NIPBL: variants seen among roughly 807,000 people sequenced by gnomAD.
NIPBL encodes the protein NIPBL cohesin loading factor, also known as nipped-B-like protein.
Under a neutral mutation model 321.8 loss-of-function variants are expected in NIPBL, and 19 were observed. That is an observed-to-expected ratio of 0.06 (90% CI 0.04 to 0.09). The LOEUF is 0.09. Among genes scored for constraint, NIPBL ranks in the 10% least tolerant of loss-of-function variants. The pLI is 1.00. For missense variants in NIPBL, 2,210 were observed against 3,327.0 expected, an observed-to-expected ratio of 0.66 and a Z score of 8.26; for synonymous variants, 1,106 against 1,114.1, an observed-to-expected ratio of 0.99 and a Z score of 0.14.
At chr5:36,944,338 T>C (rs561482860) in intron 1 of NIPBL, among the ~76,000 whole-genome samples, 2 of 152,282 alleles carry the variant, frequency 1.3e-5, no homozygotes, top group Admixed American at 1.3e-4. Flanking sequence ...CTTCCACGTA[T>C]ACCTTTTCTT....
At chr5:37,003,058 A>G (rs1000704956) in intron 15 of NIPBL, among the ~76,000 whole-genome samples, 2 of 151,876 alleles carry the variant, frequency 1.3e-5, no homozygotes, top group Admixed American at 1.3e-4. Context: ...AAATGCAGAA[A>G]TATATTAAAT....
intron 45 of NIPBL, among the ~76,000 whole-genome samples, chr5:37,062,068 C>T (rs928156822): frequency 1.3e-5 from 2 of 152,144 alleles, no homozygotes; most frequent in Admixed American, 6.5e-5. Flanking sequence ...TCTCAAACTC[C>T]TGACCTCAGG....
At chr5:36,961,433 C>A in intron 4 of NIPBL, 51 bp from the exon 5 acceptor site, 1 of 1,037,058 alleles carries the variant, frequency 9.6e-7, no homozygotes, top group Non-Finnish European at 1.5e-6. Flanking sequence ...ATTTAAAGGA[C>A]ACTTTACTGT....
intron 32 of NIPBL, among the ~76,000 whole-genome samples, chr5:37,030,902 G>A (rs1419077550): frequency 5.0e-5 from 7 of 140,064 alleles, no homozygotes; most frequent in Non-Finnish European, 1.5e-5. Flanking sequence ...CCACAGGCAT[G>A]CACCACCATG....
intron 38 of NIPBL, among the ~76,000 whole-genome samples, chr5:37,047,188 C>T (rs768300273): frequency 9.9e-5 from 15 of 152,072 alleles, no homozygotes; most frequent in Non-Finnish European, 1.5e-4. Context: ...ATTTTGGTAT[C>T]CCTGGGAGGT....
At chr5:36,963,526 G>A (rs1261271541) in intron 6 of NIPBL, among the ~76,000 whole-genome samples, 1 of 152,014 alleles carries the variant, frequency 6.6e-6, no homozygotes, top group East Asian at 1.9e-4. Flanking sequence ...ACACAGCCAG[G>A]TGTGGTGGTA....
At chr5:37,000,733 G>A (rs540653427) in intron 12 of NIPBL, 84 bp from the exon 13 acceptor site, 8 of 1,360,388 alleles carry the variant, frequency 5.9e-6, no homozygotes, top group South Asian at 1.2e-5. Context: ...AGTCTTTAAC[G>A]TTCAGGAAAA....
At position 37,061,076 on chromosome 5, in the gene NIPBL, G is replaced by A. The variant is rs575669059; in HGVS notation, c.7860+58G>A. ...ATAAGGGCTTTTTTGACAAGTAAAT[G>A]TGGGGGGCCGGTGGGGAGATAACTA... On this transcript the variant is annotated intron_variant, in intron 45 of 46. Transcript: ENST00000282516. 10 of 1,306,246 alleles carry A rather than the reference G, an allele frequency of 7.7e-6. No individual in the cohort carries two copies. The East Asian group carries it at 9.3e-5, about 12-fold the overall frequency. 80.9% of individuals were successfully genotyped at this position (1,306,246 alleles called of 1,614,324 possible).
At chr5:36,921,307 T>G (rs1402391148) in intron 1 of NIPBL, among the ~76,000 whole-genome samples, 2 of 152,208 alleles carry the variant, frequency 1.3e-5, no homozygotes, top group Admixed American at 6.5e-5. Flanking sequence ...TGATGAAATC[T>G]TAAAACTAGT....
intron 1 of NIPBL, among the ~76,000 whole-genome samples, chr5:36,945,436 A>G (rs1186534477): frequency 1.3e-5 from 2 of 152,194 alleles, no homozygotes; most frequent in African/African-American, 4.8e-5. Context: ...GAGAAACCCT[A>G]AATCTCAACT....
intron 29 of NIPBL, among the ~76,000 whole-genome samples, chr5:37,023,604 C>G (rs1016324753): frequency 6.6e-6 from 1 of 152,042 alleles, no homozygotes; most frequent in African/African-American, 2.4e-5. Flanking sequence ...AATTAGCACT[C>G]TAGTATCATC....
chr5:36,986,202 C>T lies in NIPBL; in HGVS notation c.3022C>T (p.Leu1008=). 1 of 1,607,286 alleles carries T rather than the reference C, an allele frequency of 6.2e-7. No individual in the cohort carries two copies. Among genetic ancestry groups the T allele is most frequent in the Non-Finnish European group, 8.5e-7 (1 of 1,177,710 alleles). The change falls in exon 10 of 47, where the codon CTG becomes TTG. Residue 1008 remains leucine, a synonymous_variant. Transcript: ENST00000282516. ...TAAGCCTGTAGTTGTGCTACAAAAA[C>T]TGTCTTTGGATGATGTTCAGAAACT... The part of the protein sequence containing the change: ...GAKPVVVLQK[L]SLDDVQKLIK...
At chr5:36,967,819 G>A (rs1237408658) in intron 6 of NIPBL, among the ~76,000 whole-genome samples, 1 of 152,044 alleles carries the variant, frequency 6.6e-6, no homozygotes, top group Non-Finnish European at 1.5e-5. Flanking sequence ...AAGAAACCAG[G>A]CCAGGCATGA....
chr5:36,957,441 T>G (rs776001103), intron 3 of NIPBL, among the ~76,000 whole-genome samples: 2 of 152,208 alleles, frequency 1.3e-5, no homozygotes, highest in Non-Finnish European at 2.9e-5. Context: ...ATACCAAATA[T>G]CAACTTTTTG....
intron 1 of NIPBL, among the ~76,000 whole-genome samples, chr5:36,950,903 G>A (rs542651623): frequency 6.7e-6 from 1 of 148,812 alleles, no homozygotes; most frequent in South Asian, 2.1e-4. Flanking sequence ...CATTTCCACA[G>A]ATTACTTACA....
intron 10 of NIPBL, among the ~76,000 whole-genome samples, chr5:36,988,212 T>C (rs576151840): frequency 6.6e-6 from 1 of 152,336 alleles, no homozygotes; most frequent in East Asian, 1.9e-4. Flanking sequence ...CCTATGAATA[T>C]GTTTTTAGCA....
Position 37,030,663 on chromosome 5 carries a change from AT to A in NIPBL, c.5862+3260del, listed in dbSNP as rs535761640. Among the ~76,000 whole-genome samples, 364 of 150,584 alleles carry A rather than the reference AT, an allele frequency of 2.4e-3. 2 individuals are homozygous for A. Among genetic ancestry groups the A allele is most frequent in the Non-Finnish European group, 3.7e-3 (248 of 67,606 alleles). The stretch of plus-strand genomic sequence containing the variant: ...ATCATTGACTCTCCCCATTTATTGA[AT>A]TTTTTTTTAGGGAAACTTGAAGTAC... On this transcript the variant is annotated intron_variant, in intron 32 of 46. Transcript: ENST00000282516.
At chr5:36,966,705 A>G (rs183947325) in intron 6 of NIPBL, among the ~76,000 whole-genome samples, 384 of 152,216 alleles carry the variant, frequency 2.5e-3, no homozygotes, top group Non-Finnish European at 4.7e-3. Context: ...AAATTTTATC[A>G]TTCTAAAGAT....
At chr5:37,044,867 A>G (rs1394532972) in intron 36 of NIPBL, 138 bp downstream of exon 36, 7 of 679,946 alleles carry the variant, frequency 1.0e-5, no homozygotes, top group Admixed American at 2.5e-5. Flanking sequence ...CTCAGAAACA[A>G]TATTTTCTAG....
Sources: allele counts gnomAD v4.1 joint callset (sites outside exome capture counted in the v4.1 genomes callset), GRCh38; gene constraint gnomAD v4.1.1; transcripts MANE v1.5; gene names NCBI Gene and HGNC (gene_info 2026-07-23, HGNC 2026-07-21).